Variants in ITPRIP observed in about 807,000 individuals in gnomAD.
The protein encoded by ITPRIP is inositol 1,4,5-trisphosphate receptor interacting protein, also known as inositol 1,4,5-trisphosphate receptor-interacting protein.
In ITPRIP, 32 loss-of-function variants were observed where a neutral mutation model predicts 35.8. The observed-to-expected ratio is 0.89, with a 90% CI of 0.68 to 1.20. The LOEUF (loss-of-function observed/expected upper bound fraction) is 1.20, where lower values mean the gene tolerates loss of function less well. ITPRIP is among the 50% of genes most tolerant of loss of function. The pLI, the probability that ITPRIP is intolerant of heterozygous loss-of-function variation, is 0.00. For synonymous variants in ITPRIP, 358 were observed against 324.0 expected, an observed-to-expected ratio of 1.11 and a Z score of -1.13; for missense variants, 653 against 735.6, an observed-to-expected ratio of 0.89 and a Z score of 1.30.
At position 104,313,423 on chromosome 10, in the gene ITPRIP, C is replaced by T; in HGVS notation, c.*985G>A. ...GCTCTGCGCACAGCCTCTGGGAGTGCCATGGCCTCAGGTGCCTTGTGGTTG... is the reference window on the plus strand; with the variant it reads ...GCTCTGCGCACAGCCTCTGGGAGTGTCATGGCCTCAGGTGCCTTGTGGTTG... On this transcript the variant is annotated 3_prime_UTR_variant, in exon 2 of 2. Coordinates refer to ENST00000337478, the MANE Select transcript of ITPRIP (RefSeq NM_001272013.2). The T allele has an allele frequency of 1.0e-6, 1 of 985,954 alleles. No individual in the cohort carries two copies. The highest frequency in any genetic ancestry group is 4.7e-5 in the South Asian group (1 of 21,324). 61.1% of individuals were successfully genotyped at this position (985,954 alleles called of 1,614,324 possible). A position where few individuals can be genotyped will look rare whatever the true frequency, so the allele number is the denominator to read the frequency against.
At position 104,314,240 on chromosome 10, in the gene ITPRIP, GA is replaced by G; in HGVS notation, c.*167del. ...GTATGAAGCAAACCAGCTTCCCGTT[GA>G]AATTCTGTTTCCTCTGCACTGTAGG... is the stretch of plus-strand genomic sequence containing the variant. On this transcript the variant is annotated 3_prime_UTR_variant, in exon 2 of 2. Transcript: ENST00000337478. 7.0e-7 allele frequency: 1 copy of G among 1,434,218 alleles called. No individual in the cohort carries two copies. Among genetic ancestry groups the G allele is most frequent in the South Asian group, 1.6e-5 (1 of 64,224 alleles). The allele number at this position is 1,434,218 out of a possible 1,614,324, so 88.8% of individuals were successfully genotyped here.
At chr10:104,334,779 C>G (rs1437191418) in intron 1 of ITPRIP, among the ~76,000 whole-genome samples, 1 of 152,240 alleles carries the variant, frequency 6.6e-6, no homozygotes, top group Non-Finnish European at 1.5e-5. Flanking sequence ...TCACCCCATG[C>G]TGCTCCTGCC....
At chr10:104,332,253 T>C (rs985750409) in intron 1 of ITPRIP, among the ~76,000 whole-genome samples, 1 of 152,224 alleles carries the variant, frequency 6.6e-6, no homozygotes. Flanking sequence ...TCTACTTATA[T>C]GAACAATGTC....
chr10:104,325,464 C>T (rs1453804523), intron 1 of ITPRIP, among the ~76,000 whole-genome samples: 1 of 152,232 alleles, frequency 6.6e-6, no homozygotes, highest in Non-Finnish European at 1.5e-5. Flanking sequence ...TCGTTGGCCC[C>T]AGCAGCCACA....
At chr10:104,325,376 T>C (rs1346528795) in intron 1 of ITPRIP, among the ~76,000 whole-genome samples, 2 of 152,100 alleles carry the variant, frequency 1.3e-5, no homozygotes, top group Non-Finnish European at 2.9e-5. Flanking sequence ...ACCCACTATT[T>C]CCTCTGAGTC....
At chr10:104,317,140 C>G (rs896073879) in intron 1 of ITPRIP, among the ~76,000 whole-genome samples, 1 of 152,204 alleles carries the variant, frequency 6.6e-6, no homozygotes, top group African/African-American at 2.4e-5. Flanking sequence ...TATTCAGACA[C>G]ACTCTCCTGG....
At chr10:104,336,494 T>TGGG (rs60388927) in intron 1 of ITPRIP, among the ~76,000 whole-genome samples, 24 of 74,632 alleles carry the variant, frequency 3.2e-4, no homozygotes, top group African/African-American at 9.4e-4. Flanking sequence ...TATTTTTTTT[T>TGGG]GGGGGGGGGG....
chr10:104,316,522 A>G (rs764431605), intron 1 of ITPRIP, among the ~76,000 whole-genome samples: 1 of 152,098 alleles, frequency 6.6e-6, no homozygotes, highest in Admixed American at 6.5e-5. Context: ...CAATAGGAAG[A>G]AAGACTCATC....
chr10:104,324,266 C>T (rs997725239), intron 1 of ITPRIP, among the ~76,000 whole-genome samples: 14 of 152,202 alleles, frequency 9.2e-5, no homozygotes, highest in Admixed American at 4.6e-4. Context: ...CTCAGAGCTG[C>T]TCCCACCAGG....
In ITPRIP at chr10:104,314,484, A is replaced by G. The variant is rs2013574208; in HGVS notation, c.1568T>C (p.Met523Thr). Residue 523 changes from methionine to threonine, a missense_variant, in exon 2 of 2, where the codon ATG (methionine) becomes ACG (threonine). Met to Thr is a moderately conservative substitution (Grantham distance 81). Transcript: ENST00000337478. Reference protein sequence around the residue: ...YRKTLDSFYEMLKNAPALISE... With the variant: ...YRKTLDSFYETLKNAPALISE... ...AATGAGCGCTGGGGCATTCTTGAGCATCTCATAGAAGGAGTCCAGTGTCTT... is the reference window on the plus strand; with the variant it reads ...AATGAGCGCTGGGGCATTCTTGAGCGTCTCATAGAAGGAGTCCAGTGTCTT... 1 of 1,614,196 alleles carries G rather than the reference A, an allele frequency of 6.2e-7. No homozygotes were observed. Among genetic ancestry groups the G allele is most frequent in the Non-Finnish European group, 8.5e-7 (1 of 1,180,044 alleles).
At chr10:104,316,578 C>A (rs919027619) in intron 1 of ITPRIP, among the ~76,000 whole-genome samples, 11 of 152,190 alleles carry the variant, frequency 7.2e-5, no homozygotes, top group African/African-American at 2.7e-4. Flanking sequence ...CAGGATTATA[C>A]CTGCAGTGGG....
At position 104,320,588 on chromosome 10, in the gene ITPRIP, A is replaced by G. The variant is rs551554084; in HGVS notation, c.-13-4524T>C. Among the ~76,000 whole-genome samples, 17 of 146,838 alleles carry G rather than the reference A, an allele frequency of 1.2e-4. No homozygotes were observed. The East Asian group carries it at 3.4e-3, about 29-fold the overall frequency. ...AGTCTCACTCTGTCGCCTGGGCTAG[A>G]GTGCAGTGGAGGGATCTCAGCTTAC... is the stretch of plus-strand genomic sequence containing the variant. On this transcript the variant is annotated intron_variant, in intron 1 of 1. Transcript: ENST00000337478.
At chr10:104,317,386 G>A (rs562812712) in intron 1 of ITPRIP, among the ~76,000 whole-genome samples, 1 of 152,120 alleles carries the variant, frequency 6.6e-6, no homozygotes, top group Non-Finnish European at 1.5e-5. Flanking sequence ...TATCTCCTGG[G>A]AGCTTGTTAG....
At position 104,313,785 on chromosome 10, in the gene ITPRIP, C is replaced by T; in HGVS notation, c.*623G>A. 1 of 985,594 alleles carries T rather than the reference C, an allele frequency of 1.0e-6. No homozygotes were observed. Among genetic ancestry groups the T allele is most frequent in the South Asian group, 4.7e-5 (1 of 21,290 alleles). 61.1% of individuals were successfully genotyped at this position (985,594 alleles called of 1,614,324 possible). A position where few individuals can be genotyped will look rare whatever the true frequency, so the allele number is the denominator to read the frequency against. On this transcript the variant is annotated 3_prime_UTR_variant, in exon 2 of 2. Coordinates refer to ENST00000337478, the MANE Select transcript of ITPRIP (RefSeq NM_001272013.2). Reference sequence around the variant, plus strand: ...TCTCTATGCCACCAAGTACCCATTTCCGTGTGACAGAGACGTTAGTCATTT... The same window carrying T: ...TCTCTATGCCACCAAGTACCCATTTTCGTGTGACAGAGACGTTAGTCATTT...
chr10:104,324,701 G>T (rs537883284), intron 1 of ITPRIP, among the ~76,000 whole-genome samples: 2 of 152,158 alleles, frequency 1.3e-5, no homozygotes, highest in East Asian at 1.9e-4. Context: ...GGGCCAGCCC[G>T]CAGGGAAAAT....
At position 104,314,527 on chromosome 10, in the gene ITPRIP, G is replaced by A; in HGVS notation, c.1525C>T (p.Gln509Ter). The A allele has an allele frequency of 6.2e-7, 1 of 1,614,206 alleles. No individual in the cohort carries two copies. ...PLNLFRPFVL[Q>*]RSLYRKTLDS... ...AGTGTCTTACGGTAAAGGCTTCGCTGCAGGACGAAGGGCCGGAAGAGGTTG... is the reference window on the plus strand; with the variant it reads ...AGTGTCTTACGGTAAAGGCTTCGCTACAGGACGAAGGGCCGGAAGAGGTTG... Residue 509 changes from glutamine to a stop codon, truncating the protein, a stop_gained, in exon 2 of 2, where the codon CAG (glutamine) becomes TAG (stop). Coordinates refer to ENST00000337478, the MANE Select transcript of ITPRIP (RefSeq NM_001272013.2). LOFTEE classifies it high-confidence loss of function.
chr10:104,315,176 G>A lies in ITPRIP; in HGVS notation c.876C>T (p.Ser292=). 1 of 1,614,164 alleles carries A rather than the reference G, an allele frequency of 6.2e-7. No individual in the cohort carries two copies. Among genetic ancestry groups the A allele is most frequent in the Non-Finnish European group, 8.5e-7 (1 of 1,180,006 alleles). The change falls in exon 2 of 2, where the codon TCC becomes TCT. Residue 292 remains serine, a synonymous_variant. Transcript: ENST00000337478. This position sits in a 1 kb window ranked among gnomAD's most constrained non-coding sequence, Gnocchi z 5.7. ...TGACCTGCATCGTGTCCAGGTACAG[G>A]GAATCTGTGGCACACAGCAGGTTCT... ...DMENLLCATD[S]LYLDTMQVMK...
chr10:104,318,214 G>C (rs552385512), intron 1 of ITPRIP, among the ~76,000 whole-genome samples: 1 of 152,336 alleles, frequency 6.6e-6, no homozygotes, highest in East Asian at 1.9e-4. Flanking sequence ...TTCTACATTA[G>C]AGAAACATCA....
At chr10:104,327,899 T>TGAGCCTCAGCTGGATTCAGGCAGCTGA (rs2135205188) in intron 1 of ITPRIP, among the ~76,000 whole-genome samples, 1 of 152,318 alleles carries the variant, frequency 6.6e-6, no homozygotes, top group East Asian at 1.9e-4. Flanking sequence ...CGCCCTGGTG[T>TGAGCCTCAGCTGGATTCAGGCAGCTGA]GCCCGACAGC....
Sources: allele counts gnomAD v4.1 joint callset (sites outside exome capture counted in the v4.1 genomes callset), GRCh38; gene constraint gnomAD v4.1.1; non-coding constraint Gnocchi (gnomAD v3.1); transcripts MANE v1.5; gene names NCBI Gene and HGNC (gene_info 2026-07-23, HGNC 2026-07-21).